The following NHLRC2 variants were observed in gnomAD, a reference collection of about 807,000 sequenced individuals.
The protein encoded by NHLRC2 is NHL repeat containing 2, also known as NHL repeat-containing protein 2.
NHLRC2 carries 33 observed loss-of-function variants against 68.1 expected under a neutral mutation model. That is an observed-to-expected ratio of 0.48 (90% CI 0.37 to 0.65). The LOEUF (loss-of-function observed/expected upper bound fraction) is 0.65, where lower values mean the gene tolerates loss of function less well. Ranked by LOEUF, NHLRC2 falls within the 30% of genes least tolerant of loss-of-function variation. NHLRC2 has a pLI of 0.00. For missense variants in NHLRC2, 761 were observed against 853.8 expected (o/e 0.89, Z 1.35); for synonymous variants, 311 against 309.6 (o/e 1.00, Z -0.05).
intron 2 of NHLRC2, among the ~76,000 whole-genome samples, chr10:113,859,163 T>G (rs1044347614): frequency 1.3e-5 from 2 of 152,124 alleles, no homozygotes; most frequent in Admixed American, 1.3e-4. Context: ...CCTGCTTCAT[T>G]AAAAAATGAT....
At chr10:113,896,972 G>T (rs1201395607) in intron 5 of NHLRC2, among the ~76,000 whole-genome samples, 4 of 150,906 alleles carry the variant, frequency 2.7e-5, no homozygotes, top group Admixed American at 2.6e-4. Context: ...CCAGCCTGGG[G>T]GACGGAGTGA....
At position 113,875,240 on chromosome 10, in the gene NHLRC2, C is replaced by G. The variant is rs190746368; in HGVS notation, c.332-1281C>G. On this transcript the variant is annotated intron_variant, in intron 2 of 10. Transcript: ENST00000369301. ...ACCCTCTTAATTCAAATTATAACTT[C>G]TGTCTCATCTTCCATCAGCTCTCGC... Among the ~76,000 whole-genome samples, 6 of 152,254 alleles carry G rather than the reference C, an allele frequency of 3.9e-5. No individual in the cohort carries two copies. In the East Asian group the frequency reaches 1.2e-3, roughly 29 times the overall value.
At chr10:113,855,852 T>C (rs1233975489) in intron 1 of NHLRC2, among the ~76,000 whole-genome samples, 5 of 152,120 alleles carry the variant, frequency 3.3e-5, no homozygotes, top group South Asian at 2.1e-4. Context: ...TGAGGAGATA[T>C]TACCTTATTC....
In NHLRC2 at chr10:113,876,669, C is replaced by T. The variant is rs1329638698; in HGVS notation, c.480C>T (p.Ser160=). ...GCCTTTGGCAAGAACTAGAAGTTTC[C>T]TGCTGGCCAACTCTAGTCATACTTG... ...DASLWQELEV[S]CWPTLVILGP... Residue 160 remains serine (S), a synonymous_variant, in exon 3 of 11, where the codon TCC becomes TCT. Transcript: ENST00000369301. 6.2e-7 allele frequency: 1 copy of T among 1,613,884 alleles called. No homozygotes were observed. Among genetic ancestry groups the T allele is most frequent in the Non-Finnish European group, 8.5e-7 (1 of 1,179,904 alleles).
chr10:113,901,841 G>A lies in NHLRC2; in HGVS notation c.1315G>A (p.Val439Ile), dbSNP rs142381455. The A allele has an allele frequency of 7.4e-6, 12 of 1,613,968 alleles. No individual in the cohort carries two copies. Among genetic ancestry groups the A allele is most frequent in the Admixed American group, 1.7e-5 (1 of 60,004 alleles). ...TAGTGAGAGCAGTACAGTGAGAACC[G>A]TTTCACTGAAAGATGGAGCAGTGAA... is the stretch of plus-strand genomic sequence containing the variant. ...ADSESSTVRT[V>I]SLKDGAVKHL... is the part of the protein sequence containing the mutation. The change falls in exon 7 of 11, where the codon GTT (valine) becomes ATT (isoleucine). Residue 439 changes from valine to isoleucine, a missense_variant. Val to Ile is a conservative substitution (Grantham distance 29, BLOSUM62 3). Transcript: ENST00000369301.
chr10:113,877,097 C>G (rs1426207419), intron 3 of NHLRC2, 121 bp downstream of exon 3: 1 of 566,318 alleles, frequency 1.8e-6, no homozygotes, highest in African/African-American at 1.9e-5. Flanking sequence ...TATACATTGA[C>G]TTAATTTCCT....
At chr10:113,885,049 T>C (rs980486014) in intron 5 of NHLRC2, among the ~76,000 whole-genome samples, 1 of 151,880 alleles carries the variant, frequency 6.6e-6, no homozygotes, top group Non-Finnish European at 1.5e-5. Context: ...GATTGATGAG[T>C]AAACAAAGTT....
intron 2 of NHLRC2, among the ~76,000 whole-genome samples, chr10:113,866,888 G>A: frequency 6.6e-6 from 1 of 151,954 alleles, no homozygotes; most frequent in Non-Finnish European, 1.5e-5. Flanking sequence ...ATGGGGCTGA[G>A]TTGAAGGGAG....
At chr10:113,886,850 A>G (rs1341753730) in intron 5 of NHLRC2, among the ~76,000 whole-genome samples, 1 of 152,244 alleles carries the variant, frequency 6.6e-6, no homozygotes, top group East Asian at 1.9e-4. Context: ...AACACAGGCA[A>G]CGAAAGCAAA....
chr10:113,903,634 A>G lies in NHLRC2; in HGVS notation c.1602A>G (p.Pro534=). 1 of 1,606,482 alleles carries G rather than the reference A, an allele frequency of 6.2e-7. No individual in the cohort carries two copies. The highest frequency in any genetic ancestry group is 8.5e-7 in the Non-Finnish European group (1 of 1,173,144). ...TTACAGAGTCAACTTTTAATGAACC[A>G]GGAGGCTTGTGTATTGGAGAGAATG... ...SSFTESTFNE[P]GGLCIGENGE... The change falls in exon 9 of 11, where the codon CCA becomes CCG. Residue 534 remains proline, a synonymous_variant. Transcript: ENST00000369301.
Position 113,913,966 on chromosome 10 carries a change from G to C in NHLRC2, c.*5430G>C, listed in dbSNP as rs1846353355. 6.7e-6 allele frequency: 1 copy of C among 149,750 alleles called. No homozygotes were observed. Among genetic ancestry groups the C allele is most frequent in the Non-Finnish European group, 1.5e-5 (1 of 67,842 alleles). The allele number at this position is 149,750 out of a possible 1,614,324, so 9.3% of individuals were successfully genotyped here. On this transcript the variant is annotated 3_prime_UTR_variant, in exon 11 of 11. Coordinates refer to ENST00000369301, the MANE Select transcript of NHLRC2 (RefSeq NM_198514.4). ...GGGTTCAAGTGATCCTCCTGCCTCA[G>C]CCTCCCAAGTAGCTGGCGCTCACCA... is the stretch of plus-strand genomic sequence containing the variant.
At chr10:113,859,714 C>G (rs1043310454) in intron 2 of NHLRC2, among the ~76,000 whole-genome samples, 2 of 152,180 alleles carry the variant, frequency 1.3e-5, no homozygotes, top group Non-Finnish European at 1.5e-5. Context: ...CAAGACATCA[C>G]GTTTATTGAA....
intron 1 of NHLRC2, 83 bp downstream of exon 1, chr10:113,855,133 T>C (rs1339422413): frequency 2.3e-6 from 3 of 1,288,352 alleles, no homozygotes; most frequent in Non-Finnish European, 3.3e-6. Flanking sequence ...AGCGGTGGGC[T>C]AGGCGGGTTT....
chr10:113,889,114 A>T (rs1846108637), intron 5 of NHLRC2, among the ~76,000 whole-genome samples: 1 of 152,168 alleles, frequency 6.6e-6, no homozygotes, highest in Admixed American at 6.5e-5. Context: ...GGTATGAGCC[A>T]CTGCGCCCAG....
chr10:113,898,396 G>C (rs1250404272), intron 6 of NHLRC2, among the ~76,000 whole-genome samples, 187 bp downstream of exon 6: 2 of 152,198 alleles, frequency 1.3e-5, no homozygotes, highest in African/African-American at 4.8e-5. Context: ...GGTTCACTGG[G>C]GAGCACTCCT....
rs559064557 is a variant in NHLRC2 at position 113,884,624 on chromosome 10, A to G, written c.1039+244A>G. On this transcript the variant is annotated intron_variant, in intron 5 of 10. Transcript: ENST00000369301. ...ATAAGATAGACTATGTGTTACTCTA[A>G]AGAATTATATATTAGATGCACCCTC... Among the ~76,000 whole-genome samples, 38 of 151,276 alleles carry G rather than the reference A, an allele frequency of 2.5e-4. 1 individual carries two copies. The South Asian group carries it at 7.5e-3, about 30-fold the overall frequency.
At position 113,915,608 on chromosome 10, in the gene NHLRC2, C is replaced by G; in HGVS notation, c.*7072C>G. ...AATCAGCTCTCAGACTTAACTCTCC[C>G]CAATTAAAATAGTTTTTTTTTCCCT... On this transcript the variant is annotated 3_prime_UTR_variant, in exon 11 of 11. Coordinates refer to ENST00000369301, the MANE Select transcript of NHLRC2 (RefSeq NM_198514.4). The G allele has an allele frequency of 4.5e-6, 1 of 223,708 alleles. No homozygotes were observed. Among genetic ancestry groups the G allele is most frequent in the Admixed American group, 5.3e-5 (1 of 18,702 alleles). The allele number at this position is 223,708 out of a possible 1,614,324, so 13.9% of individuals were successfully genotyped here.
In NHLRC2 at chr10:113,862,282, A is replaced by G. The variant is rs149219078; in HGVS notation, c.331+3602A>G. Among the ~76,000 whole-genome samples the G allele has an allele frequency of 5.0e-3, 762 of 152,230 alleles. 4 individuals carry two copies. The highest frequency in any genetic ancestry group is 9.0e-3 in the Non-Finnish European group (614 of 68,018). On this transcript the variant is annotated intron_variant, in intron 2 of 10. Coordinates refer to ENST00000369301, the MANE Select transcript of NHLRC2 (RefSeq NM_198514.4). ...TGTAATTTGGGGCCATCAACAACTG[A>G]AAGGGATGGGATGGAGGTGTTAAAG...
chr10:113,867,581 T>C (rs141616687), intron 2 of NHLRC2, among the ~76,000 whole-genome samples: 44 of 152,338 alleles, frequency 2.9e-4, no homozygotes, highest in African/African-American at 9.6e-4. Flanking sequence ...AAGGCTGTTC[T>C]AGCCTCCCTG....
Sources: allele counts gnomAD v4.1 joint callset (sites outside exome capture counted in the v4.1 genomes callset), GRCh38; gene constraint gnomAD v4.1.1; transcripts MANE v1.5; gene names NCBI Gene and HGNC (gene_info 2026-07-23, HGNC 2026-07-21).